The following DPH6 variants were observed in gnomAD, a reference collection of about 807,000 sequenced individuals.
DPH6 encodes the protein diphthine--ammonia ligase.
A neutral mutation model predicts 38.2 loss-of-function variants in DPH6; 33 were observed. That is an observed-to-expected ratio of 0.86 (90% CI 0.65 to 1.15). DPH6 has a LOEUF of 1.15. DPH6 is among the 50% of genes most tolerant of loss of function. The pLI, the probability that DPH6 is intolerant of heterozygous loss-of-function variation, is 0.00. For synonymous variants in DPH6, 108 were observed against 103.0 expected, an observed-to-expected ratio of 1.05 and a Z score of -0.30; for missense variants, 325 against 320.0, an observed-to-expected ratio of 1.02 and a Z score of -0.12.
At position 35,463,787 on chromosome 15, in the gene DPH6, G is replaced by GAT. The variant is rs932317720; in HGVS notation, c.313-8969_313-8968dup. ...AAATGATATTAAAAATATACCTATG[G>GAT]ATATATATATATACACATTCATCTC... On this transcript the variant is annotated intron_variant, in intron 3 of 8. Coordinates refer to ENST00000256538, the MANE Select transcript of DPH6 (RefSeq NM_080650.4). 9.7e-3 allele frequency among the ~76,000 whole-genome samples: 1,473 copies of GAT among 151,330 alleles called. 34 individuals are homozygous for GAT. Among genetic ancestry groups the GAT allele is most frequent in the African/African-American group, 0.034 (1,386 of 41,250 alleles).
chr15:35,431,649 C>A (rs545348208), intron 5 of DPH6, among the ~76,000 whole-genome samples: 1 of 151,838 alleles, frequency 6.6e-6, no homozygotes, highest in Non-Finnish European at 1.5e-5. Context: ...AGAAAGGAAT[C>A]CATAAGAAAG....
At chr15:35,352,385 T>C (rs1003200698) in intron 3 of DPH6, among the ~76,000 whole-genome samples, 3 of 152,204 alleles carry the variant, frequency 2.0e-5, no homozygotes, top group Non-Finnish European at 4.4e-5. Context: ...ACCCATTAAC[T>C]CGACCTTTAA....
At chr15:35,365,633 C>T (rs2140912175) in intron 3 of DPH6, among the ~76,000 whole-genome samples, 2 of 152,154 alleles carry the variant, frequency 1.3e-5, no homozygotes, top group South Asian at 4.1e-4. Context: ...TATCCTCTCC[C>T]AAACTGATAA....
intron 6 of DPH6, among the ~76,000 whole-genome samples, chr15:35,405,186 T>C (rs1330846659): frequency 1.3e-5 from 2 of 151,792 alleles, no homozygotes; most frequent in African/African-American, 2.4e-5. Context: ...CTTTTTGCTA[T>C]TCTGGGTCTT....
chr15:35,348,853 G>GT (rs2052484599), intron 3 of DPH6, among the ~76,000 whole-genome samples: 1 of 151,668 alleles, frequency 6.6e-6, no homozygotes, highest in Non-Finnish European at 1.5e-5. Flanking sequence ...CAGTGTATAC[G>GT]TTTTTTTCCT....
At chr15:35,463,932 C>T (rs1282204575) in intron 3 of DPH6, among the ~76,000 whole-genome samples, 3 of 152,070 alleles carry the variant, frequency 2.0e-5, no homozygotes, top group Non-Finnish European at 4.4e-5. Context: ...CATTAGAAAA[C>T]AGCACAGTCG....
Position 35,538,313 on chromosome 15 carries a change from A to G in DPH6, c.273T>C (p.Asp91=), listed in dbSNP as rs190661558. ...TRQVYTKCEG[D]EVEDLYELLK... ...AAAGCTCATAGAGATCTTCAACCTC[A>G]TCACCTTCACATTTGGTGTACACTT... The change falls in exon 3 of 9, where the codon GAT becomes GAC. Residue 91 remains aspartate (D), a synonymous_variant. Coordinates refer to ENST00000256538, the MANE Select transcript of DPH6 (RefSeq NM_080650.4). 1.3e-6 allele frequency: 2 copies of G among 1,598,436 alleles called. No individual in the cohort carries two copies. Among genetic ancestry groups the G allele is most frequent in the African/African-American group, 2.7e-5 (2 of 74,848 alleles).
chr15:35,224,723 A>G (rs2051467872), intron 3 of DPH6, among the ~76,000 whole-genome samples: 2 of 152,168 alleles, frequency 1.3e-5, no homozygotes, highest in African/African-American at 4.8e-5. Flanking sequence ...CCATATTCTC[A>G]CCAGCATGTG....
chr15:35,463,432 A>G (rs1407758568), intron 3 of DPH6, among the ~76,000 whole-genome samples: 1 of 152,180 alleles, frequency 6.6e-6, no homozygotes, highest in East Asian at 1.9e-4. Flanking sequence ...ACAAATTAGA[A>G]AACCCTAAAA....
intron 3 of DPH6, among the ~76,000 whole-genome samples, chr15:35,480,823 T>C (rs931265825): frequency 2.6e-5 from 4 of 152,060 alleles, no homozygotes; most frequent in African/African-American, 7.2e-5. Flanking sequence ...AACCAGATAA[T>C]AGGAAGAGCA....
chr15:35,213,911 G>C (rs1182209644), downstream of DPH6, among the ~76,000 whole-genome samples: 1 of 152,202 alleles, frequency 6.6e-6, no homozygotes, highest in Non-Finnish European at 1.5e-5. Flanking sequence ...AGGAGATCGA[G>C]ACCATCCTGG....
the DPH6 span, among the ~76,000 whole-genome samples, chr15:35,188,566 C>T: frequency 7.2e-5 from 11 of 152,266 alleles, no homozygotes; most frequent in African/African-American, 2.6e-4. Context: ...TGCTCTACAG[C>T]TTTTTAATAA....
At chr15:35,496,825 C>A (rs1183543276) in intron 3 of DPH6, among the ~76,000 whole-genome samples, 3 of 151,820 alleles carry the variant, frequency 2.0e-5, no homozygotes, top group Non-Finnish European at 4.4e-5. Flanking sequence ...AACTTTTACT[C>A]TGGGCACTGC....
At chr15:35,470,556 G>A (rs2054185824) in intron 3 of DPH6, among the ~76,000 whole-genome samples, 1 of 152,126 alleles carries the variant, frequency 6.6e-6, no homozygotes. Flanking sequence ...AGAAAAGAAC[G>A]TGGGATCAAG....
the DPH6 span, among the ~76,000 whole-genome samples, chr15:35,153,973 T>C: frequency 6.6e-6 from 1 of 152,116 alleles, no homozygotes; most frequent in African/African-American, 2.4e-5. Flanking sequence ...AGAAGCTGCA[T>C]AATTGAGTAG....
chr15:35,462,732 T>A (rs1010385122), intron 3 of DPH6, among the ~76,000 whole-genome samples: 7 of 152,212 alleles, frequency 4.6e-5, no homozygotes, highest in Non-Finnish European at 8.8e-5. Context: ...TATCATTTTT[T>A]AAAAATTAAA....
intron 3 of DPH6, among the ~76,000 whole-genome samples, chr15:35,349,979 T>G (rs1420599647): frequency 6.6e-6 from 1 of 152,152 alleles, no homozygotes; most frequent in Non-Finnish European, 1.5e-5. Context: ...CTGAAATGAA[T>G]TTGGAGGTTT....
intron 5 of DPH6, among the ~76,000 whole-genome samples, chr15:35,436,613 T>A (rs1229044920): frequency 2.0e-5 from 3 of 151,596 alleles, no homozygotes; most frequent in Non-Finnish European, 4.4e-5. Context: ...GTTGGAGAAA[T>A]CCATTTGCAT....
At chr15:35,172,445 A>G in the DPH6 span, among the ~76,000 whole-genome samples, 5 of 152,324 alleles carry the variant, frequency 3.3e-5, no homozygotes, top group South Asian at 1.0e-3. Flanking sequence ...TAAATTAGGG[A>G]TGCTCAATCT....
Sources: allele counts gnomAD v4.1 joint callset (sites outside exome capture counted in the v4.1 genomes callset), GRCh38; gene constraint gnomAD v4.1.1; transcripts MANE v1.5; gene names NCBI Gene and HGNC (gene_info 2026-07-23, HGNC 2026-07-21).